The following CD8B2 variants were observed in gnomAD, a reference collection of about 807,000 sequenced individuals.
The protein encoded by CD8B2 is T-cell surface glycoprotein CD8 beta-2 chain.
Under a neutral mutation model 23.7 loss-of-function variants are expected in CD8B2, and 11 were observed. The ratio of observed to expected loss-of-function variants is 0.46; its 90% CI spans 0.29 to 0.77. CD8B2 has a LOEUF of 0.77. Among genes scored for constraint, CD8B2 ranks in the 30% least tolerant of loss-of-function variants. The pLI, the probability that CD8B2 is intolerant of heterozygous loss-of-function variation, is 0.09. For synonymous variants in CD8B2, 90 were observed against 109.3 expected (o/e 0.82, Z 1.10); for missense variants, 197 against 270.5 (o/e 0.73, Z 1.91).
chr2:106,514,826 C>T (rs544183701), downstream of CD8B2, among the ~76,000 whole-genome samples: 8 of 151,970 alleles, frequency 5.3e-5, no homozygotes, highest in South Asian at 1.5e-3. Flanking sequence ...ACCTCTACAC[C>T]AAAATCTTTT....
At chr2:106,530,111 T>C (rs1232137671) in intron 5 of CD8B2, among the ~76,000 whole-genome samples, 1 of 152,218 alleles carries the variant, frequency 6.6e-6, no homozygotes, top group African/African-American at 2.4e-5. Context: ...GTATGAGGAC[T>C]GCAGCAGTTA....
intron 2 of CD8B2, among the ~76,000 whole-genome samples, chr2:106,493,394 C>T (rs947643607): frequency 1.3e-5 from 2 of 152,162 alleles, no homozygotes; most frequent in African/African-American, 2.4e-5. Context: ...GAATTTAAAA[C>T]AGAACAGTCC....
At chr2:106,540,289 T>C (rs1193968115) in intron 5 of CD8B2, among the ~76,000 whole-genome samples, 2 of 152,192 alleles carry the variant, frequency 1.3e-5, no homozygotes, top group Admixed American at 6.5e-5. Flanking sequence ...TTGTGAGAAA[T>C]TCGTATTTTC....
downstream of CD8B2, among the ~76,000 whole-genome samples, chr2:106,511,452 G>A (rs1341163964): frequency 2.9e-5 from 2 of 69,208 alleles, no homozygotes; most frequent in Non-Finnish European, 6.1e-5. Flanking sequence ...CCCTCCCCCC[G>A]CCCCCTTCCT....
chr2:106,493,378 C>T (rs1261652004), intron 2 of CD8B2, among the ~76,000 whole-genome samples: 4 of 152,144 alleles, frequency 2.6e-5, no homozygotes, highest in Non-Finnish European at 5.9e-5. Context: ...TGGCTCTAGG[C>T]AAGAAGAATT....
In CD8B2 at chr2:106,509,812, G is replaced by C. The variant is rs1679588347; in HGVS notation, c.*2872G>C. The C allele has an allele frequency of 6.6e-6, 1 of 152,212 alleles. No individual in the cohort carries two copies. Among genetic ancestry groups the C allele is most frequent in the Non-Finnish European group, 1.5e-5 (1 of 68,040 alleles). The allele number at this position is 152,212 out of a possible 1,614,324, so 9.4% of individuals were successfully genotyped here. On this transcript the variant is annotated 3_prime_UTR_variant, in exon 6 of 6. Coordinates refer to ENST00000643224, the MANE Select transcript of CD8B2 (RefSeq NM_001349727.2). ...CCCAAACTCCATCCAGCTATCTTTT[G>C]ACTAGCAGTTCCACTTGTTGGCATT... is the stretch of plus-strand genomic sequence containing the variant.
intron 5 of CD8B2, chr2:106,543,258 A>T (rs1680205295): frequency 6.6e-6 from 1 of 152,172 alleles, no homozygotes; most frequent in Admixed American, 6.5e-5. Flanking sequence ...GGAGTGGCTC[A>T]CGCTTGTAAT....
chr2:106,503,564 C>T (rs1055378524), intron 4 of CD8B2, among the ~76,000 whole-genome samples: 1 of 152,116 alleles, frequency 6.6e-6, no homozygotes, highest in African/African-American at 2.4e-5. Context: ...TAAGCGAATA[C>T]AGCTAATTGA....
At chr2:106,544,105 A>G (rs1680216903) in exon 6 of CD8B2, 4 of 398,548 alleles carry the variant, frequency 1.0e-5, no homozygotes, top group Non-Finnish European at 1.8e-5. Flanking sequence ...CAGGCTTATC[A>G]TCAATAATTG....
intron 2 of CD8B2, among the ~76,000 whole-genome samples, chr2:106,495,007 C>T (rs895534711): frequency 2.6e-5 from 4 of 152,082 alleles, no homozygotes; most frequent in Admixed American, 1.3e-4. Context: ...TAGGGAATGC[C>T]GAGTTGGGCG....
chr2:106,496,396 T>G (rs1573330975), intron 3 of CD8B2, 134 bp downstream of exon 3: 1 of 1,395,756 alleles, frequency 7.2e-7, no homozygotes, highest in Non-Finnish European at 9.6e-7. Flanking sequence ...CAAGCTAGGG[T>G]CAGAAAGGAT....
chr2:106,528,555 G>A (rs555938842), intron 5 of CD8B2, among the ~76,000 whole-genome samples: 1 of 152,318 alleles, frequency 6.6e-6, no homozygotes, highest in Non-Finnish European at 1.5e-5. Context: ...GAGATCATTA[G>A]ATGAGCTCAA....
chr2:106,507,509 A>G lies in CD8B2; in HGVS notation c.*569A>G, dbSNP rs1210755812. The G allele has an allele frequency of 2.0e-6, 2 of 984,784 alleles. No individual in the cohort carries two copies. Among genetic ancestry groups the G allele is most frequent in the Non-Finnish European group, 2.4e-6 (2 of 829,444 alleles). 61.0% of individuals were successfully genotyped at this position (984,784 alleles called of 1,614,324 possible). A position where few individuals can be genotyped will look rare whatever the true frequency, so the allele number is the denominator to read the frequency against. ...GGGCCGGGAACTTGCGGGTTTGAGG[A>G]TAGGAGTTCACTTCATCTTCTTAGC... On this transcript the variant is annotated 3_prime_UTR_variant, in exon 6 of 6. Coordinates refer to ENST00000643224, the MANE Select transcript of CD8B2 (RefSeq NM_001349727.2).
chr2:106,528,435 T>C lies in CD8B2; in HGVS notation c.621-15557T>C, dbSNP rs948982861. On this transcript the variant is annotated intron_variant, in intron 5 of 5. Coordinates refer to the CD8B2 transcript ENST00000416057. ...TCTATATCTACTTGGAGTTAACTTT[T>C]GTTTATGTTGTAAGGAAGAGTTGCA... Among the ~76,000 whole-genome samples the C allele has an allele frequency of 7.2e-5, 11 of 152,232 alleles. No homozygotes were observed. The South Asian group carries it at 1.9e-3, about 26-fold the overall frequency.
At chr2:106,526,013 G>A (rs558567102) in intron 5 of CD8B2, among the ~76,000 whole-genome samples, 10 of 152,244 alleles carry the variant, frequency 6.6e-5, no homozygotes, top group South Asian at 2.1e-4. Flanking sequence ...AGGCCAAGGC[G>A]GGAAATTGCC....
intron 5 of CD8B2, chr2:106,535,239 A>G (rs905992424): frequency 1.3e-5 from 2 of 152,154 alleles, no homozygotes; most frequent in Non-Finnish European, 2.9e-5. Flanking sequence ...CTCTAGGGAC[A>G]GTCGTTTGGG....
chr2:106,489,904 G>A (rs1679157308), intron 1 of CD8B2, among the ~76,000 whole-genome samples: 1 of 152,168 alleles, frequency 6.6e-6, no homozygotes, highest in Admixed American at 6.5e-5. Context: ...GCCAGAGGCT[G>A]GGTTCTGGGC....
rs1366845747 is a variant in CD8B2 at position 106,508,566 on chromosome 2, AG to A, written c.*1628del. Reference sequence around the variant, plus strand: ...GTAATAAAGGAATAAACGCAGCAAAAGGAAGAATTTATTGAAGTGAGAAAGC... The same window carrying A: ...GTAATAAAGGAATAAACGCAGCAAAAGAAGAATTTATTGAAGTGAGAAAGC... On this transcript the variant is annotated 3_prime_UTR_variant, in exon 6 of 6. Coordinates refer to ENST00000643224, the MANE Select transcript of CD8B2 (RefSeq NM_001349727.2). 1 of 152,196 alleles carries A rather than the reference AG, an allele frequency of 6.6e-6. No individual in the cohort carries two copies. Among genetic ancestry groups the A allele is most frequent in the Non-Finnish European group, 1.5e-5 (1 of 68,042 alleles). 9.4% of individuals were successfully genotyped at this position (152,196 alleles called of 1,614,324 possible).
Position 106,490,934 on chromosome 2 carries a change from A to G in CD8B2, c.104A>G (p.Lys35Arg). ...GCATACATAAAGGTGCAAACCAACA[A>G]GATGGTGATGCTGTCCTGCGAGGCT... is the stretch of plus-strand genomic sequence containing the variant. ...TPAYIKVQTN[K>R]MVMLSCEAKI... Residue 35 changes from lysine to arginine, a missense_variant, in exon 2 of 6, where the codon AAG (lysine) becomes AGG (arginine). Physicochemically the swap from Lys to Arg is conservative, Grantham distance 26 (BLOSUM62 2). Around this residue, in one of 3 missense-constraint regions of CD8B2, gnomAD observed 140 missense variants for 164.2 expected, o/e 0.85. Transcript: ENST00000643224. 6.2e-7 allele frequency: 1 copy of G among 1,613,124 alleles called. No individual in the cohort carries two copies. Among genetic ancestry groups the G allele is most frequent in the Non-Finnish European group, 8.5e-7 (1 of 1,179,422 alleles).
Sources: gnomAD v4.1 joint callset for allele counts (sites outside exome capture counted in the v4.1 genomes callset) on GRCh38, gnomAD v4.1.1 for gene constraint, gnomAD v4.1.1 regional missense constraint, MANE v1.5 for transcripts, NCBI Gene and HGNC (gene_info 2026-07-23, HGNC 2026-07-21) for gene names.